The following RIMS2 variants were observed in gnomAD, a reference collection of about 807,000 sequenced individuals.
RIMS2 encodes regulating synaptic membrane exocytosis 2, also known as regulating synaptic membrane exocytosis protein 2.
A neutral mutation model predicts 174.4 loss-of-function variants in RIMS2; 59 were observed. That is an observed-to-expected ratio of 0.34 (90% CI 0.27 to 0.42). The LOEUF (loss-of-function observed/expected upper bound fraction) is 0.42, where lower values mean the gene tolerates loss of function less well. RIMS2 is among the 10% of genes least tolerant of loss of function. RIMS2 has a pLI of 1.00. For synonymous variants in RIMS2, 606 were observed against 572.5 expected (o/e 1.06, Z -0.84); for missense variants, 1,620 against 1,666.3 (o/e 0.97, Z 0.48).
At chr8:103,557,031 ATAGAGT>A (rs1455590856) in intron 1 of RIMS2, among the ~76,000 whole-genome samples, 1 of 152,202 alleles carries the variant, frequency 6.6e-6, no homozygotes, top group Admixed American at 6.5e-5. Flanking sequence ...ATCTCGATAA[ATAGAGT>A]TAGGATCAGT....
intron 19 of RIMS2, among the ~76,000 whole-genome samples, chr8:104,092,218 A>C (rs2097672986): frequency 1.3e-5 from 2 of 151,804 alleles, no homozygotes; most frequent in South Asian, 4.1e-4. Flanking sequence ...TATCTATCTA[A>C]TACTTGCAAT....
chr8:103,625,595 G>T (rs544771891), intron 1 of RIMS2, among the ~76,000 whole-genome samples: 1 of 152,004 alleles, frequency 6.6e-6, no homozygotes, highest in Non-Finnish European at 1.5e-5. Context: ...GATAAAGACC[G>T]TTTAACATAG....
At chr8:104,104,435 G>GA (rs1753447254) in intron 19 of RIMS2, among the ~76,000 whole-genome samples, 1 of 152,164 alleles carries the variant, frequency 6.6e-6, no homozygotes, top group African/African-American at 2.4e-5. Flanking sequence ...GGGGTTGTTG[G>GA]AAAAATAGCA....
chr8:103,684,539 T>TTTTTATTTTATTTTA lies in RIMS2; in HGVS notation c.177-12497_177-12483dup, dbSNP rs71297228. Among the ~76,000 whole-genome samples the TTTTTATTTTATTTTA allele has an allele frequency of 7.4e-3, 991 of 134,482 alleles. 8 individuals carry two copies. The highest frequency in any genetic ancestry group is 0.011 in the South Asian group (44 of 4,064). 88.2% of individuals were successfully genotyped at this position (134,482 alleles called of 152,430 possible). A position where few individuals can be genotyped will look rare whatever the true frequency, so the allele number is the denominator to read the frequency against. On this transcript the variant is annotated intron_variant, in intron 1 of 23. Transcript: ENST00000504942. ...CATGACTACTTTCTGGTTCATACTT[T>TTTTTATTTTATTTTA]TTTTATTTTATTTTATTTTATTTTA...
intron 14 of RIMS2, among the ~76,000 whole-genome samples, chr8:103,948,222 C>T (rs993028944): frequency 1.1e-4 from 17 of 152,114 alleles, no homozygotes; most frequent in Non-Finnish European, 2.1e-4. Flanking sequence ...AATTGGAACC[C>T]TCATCCATTT....
intron 19 of RIMS2, among the ~76,000 whole-genome samples, chr8:104,237,776 G>A (rs1056678807): frequency 1.3e-5 from 2 of 152,096 alleles, no homozygotes; most frequent in Admixed American, 1.3e-4. Flanking sequence ...TAGCCCAGAC[G>A]AAATTGTTGG....
chr8:103,652,185 G>A lies in RIMS2; in HGVS notation c.177-44901G>A. On this transcript the variant is annotated intron_variant, in intron 1 of 23. Coordinates refer to ENST00000504942, the Ensembl canonical transcript of RIMS2. ...TCTTCATAGTACAGTGCACTCAGTT[G>A]TGCAAACTTATCTTTTTAGGGTCAA... is the stretch of plus-strand genomic sequence containing the variant. 1 of 1,333,208 alleles carries A rather than the reference G, an allele frequency of 7.5e-7. No homozygotes were observed. Among genetic ancestry groups the A allele is most frequent in the Non-Finnish European group, 1.0e-6 (1 of 1,004,922 alleles). The allele number at this position is 1,333,208 out of a possible 1,614,324, so 82.6% of individuals were successfully genotyped here.
At chr8:104,093,587 CAGCACA>C in intron 19 of RIMS2, 1 of 1,597,482 alleles carries the variant, frequency 6.3e-7, no homozygotes, top group Non-Finnish European at 8.5e-7. Flanking sequence ...CTCGTTTCAG[CAGCACA>C]AGCTACATGT....
At chr8:104,009,369 C>G (rs952513419) in intron 17 of RIMS2, among the ~76,000 whole-genome samples, 10 of 151,906 alleles carry the variant, frequency 6.6e-5, no homozygotes, top group African/African-American at 2.4e-4. Context: ...TCACAGCTCA[C>G]TGCAGCCTCG....
At chr8:104,127,742 C>T (rs896659191) in intron 19 of RIMS2, among the ~76,000 whole-genome samples, 1 of 151,018 alleles carries the variant, frequency 6.6e-6, no homozygotes, top group Admixed American at 6.6e-5. Context: ...CAAAAAAAAA[C>T]AATAAAAAAG....
chr8:103,989,802 C>A lies in RIMS2; in HGVS notation c.3044+381C>A, dbSNP rs184317321. Among the ~76,000 whole-genome samples the A allele has an allele frequency of 1.8e-4, 28 of 152,172 alleles. 1 individual carries two copies. The highest frequency in any genetic ancestry group is 1.7e-3 in the Admixed American group (26 of 15,282). On this transcript the variant is annotated intron_variant, in intron 17 of 23. Transcript: ENST00000504942. ...TTCATGAGACAAAAGATTTTAAAGT[C>A]TTTTACATTCATCAGAGAAATTGGT...
chr8:103,517,143 A>T (rs1232916014), intron 1 of RIMS2, among the ~76,000 whole-genome samples: 3 of 152,196 alleles, frequency 2.0e-5, no homozygotes, highest in Non-Finnish European at 4.4e-5. Flanking sequence ...ATCCAAATGC[A>T]TGATAAGTGC....
intron 4 of RIMS2, among the ~76,000 whole-genome samples, chr8:103,895,682 T>A (rs1392897788): frequency 1.3e-5 from 2 of 151,636 alleles, no homozygotes; most frequent in African/African-American, 4.9e-5. Flanking sequence ...TTTGAATGTC[T>A]TATAATTTTT....
At chr8:103,965,275 T>C (rs1032625003) in intron 15 of RIMS2, among the ~76,000 whole-genome samples, 2 of 152,186 alleles carry the variant, frequency 1.3e-5, no homozygotes, top group Non-Finnish European at 2.9e-5. Context: ...TATTGAGTAT[T>C]CCTTTATATG....
intron 2 of RIMS2, among the ~76,000 whole-genome samples, chr8:103,725,426 G>T (rs1024732551): frequency 1.3e-4 from 20 of 152,056 alleles, no homozygotes; most frequent in African/African-American, 4.8e-4. Context: ...TCACCCTTCT[G>T]ACCTTATTAC....
chr8:104,021,846 T>C (rs1253118087), intron 19 of RIMS2, among the ~76,000 whole-genome samples: 2 of 152,194 alleles, frequency 1.3e-5, no homozygotes, highest in Non-Finnish European at 2.9e-5. Context: ...CCAGTCTCCC[T>C]GAAGGCTAAG....
chr8:103,990,745 G>T (rs1180882906), intron 17 of RIMS2, among the ~76,000 whole-genome samples: 4 of 152,010 alleles, frequency 2.6e-5, no homozygotes, highest in Non-Finnish European at 4.4e-5. Context: ...TTCCTTGAAG[G>T]TTTGTTAATG....
chr8:103,750,322 A>T (rs982287415), intron 2 of RIMS2, among the ~76,000 whole-genome samples: 1 of 152,178 alleles, frequency 6.6e-6, no homozygotes, highest in Non-Finnish European at 1.5e-5. Flanking sequence ...TACTGATTCA[A>T]AGATTAAACA....
chr8:103,964,671 G>A (rs760318447), intron 15 of RIMS2, among the ~76,000 whole-genome samples: 2 of 152,150 alleles, frequency 1.3e-5, no homozygotes, highest in Non-Finnish European at 2.9e-5. Flanking sequence ...TAATTTCATT[G>A]AAATTCAGGT....
Sources: gnomAD v4.1 joint callset for allele counts (sites outside exome capture counted in the v4.1 genomes callset) on GRCh38, gnomAD v4.1.1 for gene constraint, MANE v1.5 for transcripts, NCBI Gene and HGNC (gene_info 2026-07-23, HGNC 2026-07-21) for gene names.